ARHGAP8: variants seen among roughly 807,000 people sequenced by gnomAD.
ARHGAP8 encodes rho GTPase-activating protein 8.
A neutral mutation model predicts 46.1 loss-of-function variants in ARHGAP8; 62 were observed. The ratio of observed to expected loss-of-function variants is 1.34; its 90% CI spans 1.10 to 1.66. The LOEUF is 1.66. Among genes scored for constraint, ARHGAP8 ranks in the 40% most tolerant of loss-of-function variants. ARHGAP8 has a pLI of 0.00. For synonymous variants in ARHGAP8, 375 were observed against 243.1 expected, an observed-to-expected ratio of 1.54 and a Z score of -5.05; for missense variants, 923 against 568.4, an observed-to-expected ratio of 1.62 and a Z score of -6.34.
intron 7 of ARHGAP8, among the ~76,000 whole-genome samples, chr22:44,828,590 T>C (rs1415219457): frequency 2.6e-5 from 4 of 151,798 alleles, no homozygotes; most frequent in African/African-American, 7.3e-5. Context: ...GCTGGGACTA[T>C]AGGCGTGCGC....
chr22:44,798,953 G>A (rs1928290941), intron 2 of ARHGAP8, among the ~76,000 whole-genome samples: 1 of 152,196 alleles, frequency 6.6e-6, no homozygotes, highest in Admixed American at 6.5e-5. Flanking sequence ...GAATGCTTTC[G>A]TCCTGGAAGG....
At chr22:44,843,719 G>A (rs1486542618) in intron 7 of ARHGAP8, among the ~76,000 whole-genome samples, 2 of 151,880 alleles carry the variant, frequency 1.3e-5, no homozygotes, top group Admixed American at 1.3e-4. Flanking sequence ...CAGCTACTTG[G>A]GAGGCTAAGG....
chr22:44,858,456 C>T (rs574674008), intron 10 of ARHGAP8, among the ~76,000 whole-genome samples: 1 of 116,328 alleles, frequency 8.6e-6, no homozygotes, highest in African/African-American at 3.5e-5. Context: ...CAGCCTCTGT[C>T]TTCTGAGTTC....
rs985223744 is a variant in ARHGAP8, at chr22:44,851,653, A to G, written c.877+2593A>G. On this transcript the variant is annotated intron_variant, in intron 10 of 11. Coordinates refer to ENST00000356099, the MANE Select transcript of ARHGAP8 (RefSeq NM_181335.3). ...CAAGAGTTTGAGTCCAGCCTGGGAA[A>G]CATAGTGAGACCCCATCTCTACAAA... Among the ~76,000 whole-genome samples, 26 of 152,276 alleles carry G rather than the reference A, an allele frequency of 1.7e-4. No homozygotes were observed. In the East Asian group the frequency reaches 4.8e-3, roughly 28 times the overall value.
chr22:44,775,577 A>C (rs1359248880), intron 1 of ARHGAP8, among the ~76,000 whole-genome samples: 1 of 151,954 alleles, frequency 6.6e-6, no homozygotes, highest in Non-Finnish European at 1.5e-5. Flanking sequence ...CCTCCCAAGT[A>C]GCTGGGATTA....
chr22:44,811,630 A>G (rs1929339891), intron 4 of ARHGAP8, among the ~76,000 whole-genome samples: 1 of 151,954 alleles, frequency 6.6e-6, no homozygotes, highest in Non-Finnish European at 1.5e-5. Context: ...AAGGAGGGAC[A>G]CTCTAGGCAT....
chr22:44,825,352 G>C (rs1930432366), intron 6 of ARHGAP8, 131 bp from the exon 7 acceptor site: 1 of 841,294 alleles, frequency 1.2e-6, no homozygotes, highest in Non-Finnish European at 1.8e-6. Flanking sequence ...TGAGCTGGCA[G>C]TGTGGCACGT....
In ARHGAP8 at chr22:44,862,505, G is replaced by A. The variant is rs776687166; in HGVS notation, c.1212G>A (p.Leu404=). The part of the protein sequence containing the change: ...PWEQGSRAAP[L]QEAVPRTQAT... Reference sequence around the variant, plus strand: ...AACAGGGGAGCAGGGCAGCCCCTTTGCAGGAGGCTGTGCCACGGACACAAG... The same window carrying A: ...AACAGGGGAGCAGGGCAGCCCCTTTACAGGAGGCTGTGCCACGGACACAAG... The change falls in exon 12 of 12, where the codon TTG becomes TTA. Residue 404 remains leucine, a synonymous_variant. Transcript: ENST00000356099. 10 of 1,613,188 alleles carry A rather than the reference G, an allele frequency of 6.2e-6. No homozygotes were observed. Among genetic ancestry groups the A allele is most frequent in the East Asian group, 2.2e-5 (1 of 44,866 alleles).
At chr22:44,802,411 G>A (rs867090648) in intron 3 of ARHGAP8, among the ~76,000 whole-genome samples, 1 of 152,152 alleles carries the variant, frequency 6.6e-6, no homozygotes, top group East Asian at 1.9e-4. Flanking sequence ...TTAGCCACCC[G>A]AGCTGTGGGT....
At chr22:44,822,966 T>A (rs1249528914) in intron 6 of ARHGAP8, among the ~76,000 whole-genome samples, 1 of 152,200 alleles carries the variant, frequency 6.6e-6, no homozygotes, top group Non-Finnish European at 1.5e-5. Flanking sequence ...GAAAGGCGTA[T>A]GCCACACAGC....
intron 11 of ARHGAP8, among the ~76,000 whole-genome samples, chr22:44,862,021 G>A (rs779713206): frequency 4.8e-4 from 73 of 152,210 alleles, no homozygotes; most frequent in Admixed American, 2.4e-3. Flanking sequence ...AGATAGTGGG[G>A]GGTTGAGGCT....
intron 5 of ARHGAP8, among the ~76,000 whole-genome samples, chr22:44,821,578 C>G (rs1930149182): frequency 6.6e-6 from 1 of 152,244 alleles, no homozygotes; most frequent in African/African-American, 2.4e-5. Flanking sequence ...TAAAGGCGTG[C>G]TCGCATCCAT....
intron 3 of ARHGAP8, among the ~76,000 whole-genome samples, chr22:44,806,866 A>C (rs569826280): frequency 1.3e-5 from 2 of 151,666 alleles, no homozygotes; most frequent in African/African-American, 4.8e-5. Flanking sequence ...CAGGAGGCTG[A>C]GGCACGAGAA....
chr22:44,831,897 T>C (rs1298306587), intron 7 of ARHGAP8, among the ~76,000 whole-genome samples: 1 of 152,212 alleles, frequency 6.6e-6, no homozygotes, highest in Non-Finnish European at 1.5e-5. Context: ...AGTGTGAGTC[T>C]GTGAGTCCTC....
chr22:44,812,685 ATTT>A (rs1379025449), intron 4 of ARHGAP8, among the ~76,000 whole-genome samples: 2 of 152,042 alleles, frequency 1.3e-5, no homozygotes, highest in African/African-American at 4.8e-5. Context: ...GTTAATTAAC[ATTT>A]CTTGGAGAGA....
intron 11 of ARHGAP8, among the ~76,000 whole-genome samples, chr22:44,860,781 C>G (rs1025074038): frequency 1.3e-5 from 2 of 152,140 alleles, no homozygotes; most frequent in African/African-American, 4.8e-5. Context: ...AACACATCCA[C>G]GTGGGTCCAC....
chr22:44,783,663 C>T (rs960891114), intron 1 of ARHGAP8, among the ~76,000 whole-genome samples: 1 of 152,160 alleles, frequency 6.6e-6, no homozygotes, highest in African/African-American at 2.4e-5. Flanking sequence ...CAGTGGCTGC[C>T]GCAGCAGGTC....
chr22:44,786,666 CTTTGAGGCAAA>C (rs1196063234), intron 2 of ARHGAP8, 60 bp downstream of exon 2: 1 of 1,556,898 alleles, frequency 6.4e-7, no homozygotes, highest in Non-Finnish European at 8.7e-7. Context: ...CTCTCGGCAA[CTTTGAGGCAAA>C]GTGGGCTCGT....
intron 2 of ARHGAP8, among the ~76,000 whole-genome samples, chr22:44,798,722 G>A (rs545383311): frequency 3.9e-5 from 6 of 152,038 alleles, no homozygotes; most frequent in South Asian, 4.2e-4. Flanking sequence ...AGCCCCCACC[G>A]TGCGTGACTG....
Sources: gnomAD v4.1 joint callset for allele counts (sites outside exome capture counted in the v4.1 genomes callset) on GRCh38, gnomAD v4.1.1 for gene constraint, MANE v1.5 for transcripts, NCBI Gene and HGNC (gene_info 2026-07-23, HGNC 2026-07-21) for gene names.